The following SNX14 variants were observed in gnomAD, a reference collection of about 807,000 sequenced individuals.
The protein encoded by SNX14 is sorting nexin 14, also known as sorting nexin-14.
SNX14 carries 93 observed loss-of-function variants against 133.8 expected under a neutral mutation model. The observed-to-expected ratio is 0.70, with a 90% CI of 0.59 to 0.83. The LOEUF is 0.83. SNX14 is among the 40% of genes least tolerant of loss of function. The pLI, the probability that SNX14 is intolerant of heterozygous loss-of-function variation, is 0.00. For synonymous variants in SNX14, 368 were observed against 365.6 expected, an observed-to-expected ratio of 1.01 and a Z score of -0.07; for missense variants, 945 against 1,094.9, an observed-to-expected ratio of 0.86 and a Z score of 1.93.
chr6:85,516,632 CTT>C (rs746721196), intron 23 of SNX14, among the ~76,000 whole-genome samples: 8 of 126,440 alleles, frequency 6.3e-5, no homozygotes, highest in Admixed American at 1.6e-4. Context: ...CTTCCTTAAT[CTT>C]TTTTTTTTTT....
At chr6:85,519,112 A>T (rs911667374) in intron 21 of SNX14, among the ~76,000 whole-genome samples, 2 of 152,216 alleles carry the variant, frequency 1.3e-5, no homozygotes, top group African/African-American at 4.8e-5. Context: ...AATCAAACCT[A>T]GTCAGTAACC....
chr6:85,548,278 T>G (rs536717056), intron 9 of SNX14, 23 bp downstream of exon 9: 1 of 1,533,916 alleles, frequency 6.5e-7, no homozygotes, highest in Middle Eastern at 1.7e-4. Flanking sequence ...TGTAACAATT[T>G]AAAAAAAAAT....
chr6:85,549,833 A>G lies in SNX14; in HGVS notation c.681T>C (p.Gly227=). ...TTCTCAAAGCAACATGAAGCTCTGG[A>G]CCATATTCTTCTAAAGCAGCTTGCT... ...FLQQAALEEY[G]PELHVALRSR... Residue 227 remains glycine, a synonymous_variant, in exon 8 of 29, where the codon GGT becomes GGC. Coordinates refer to ENST00000314673, the MANE Select transcript of SNX14 (RefSeq NM_153816.6). 1 of 1,613,880 alleles carries G rather than the reference A, an allele frequency of 6.2e-7. No individual in the cohort carries two copies. Among genetic ancestry groups the G allele is most frequent in the Non-Finnish European group, 8.5e-7 (1 of 1,179,870 alleles).
At chr6:85,572,451 G>C in intron 2 of SNX14, 77 bp from the exon 3 acceptor site, 1 of 1,185,086 alleles carries the variant, frequency 8.4e-7, no homozygotes, top group African/African-American at 1.5e-5. Flanking sequence ...CAACTTTTCA[G>C]AAGTTTTTAA....
intron 1 of SNX14, among the ~76,000 whole-genome samples, chr6:85,586,602 A>G (rs1293488208): frequency 1.3e-5 from 2 of 152,076 alleles, no homozygotes; most frequent in East Asian, 3.9e-4. Flanking sequence ...TTTTATAGAG[A>G]CATGGTCTTG....
intron 1 of SNX14, among the ~76,000 whole-genome samples, chr6:85,591,691 G>C (rs566078864): frequency 2.6e-5 from 4 of 152,084 alleles, no homozygotes; most frequent in Non-Finnish European, 5.9e-5. Context: ...TCCCAAAAGA[G>C]GTAGGTAAGA....
intron 26 of SNX14, among the ~76,000 whole-genome samples, chr6:85,509,899 G>T (rs1319448217): frequency 6.6e-6 from 1 of 152,046 alleles, no homozygotes; most frequent in African/African-American, 2.4e-5. Flanking sequence ...TATACAGTAT[G>T]CAGTCTTTTC....
intron 4 of SNX14, among the ~76,000 whole-genome samples, chr6:85,569,286 A>G (rs1794871631): frequency 6.6e-6 from 1 of 152,036 alleles, no homozygotes; most frequent in South Asian, 2.1e-4. Flanking sequence ...TACCCCTTAT[A>G]CTGCAGCAAT....
At chr6:85,566,309 T>C (rs1436210607) in intron 5 of SNX14, among the ~76,000 whole-genome samples, 1 of 152,172 alleles carries the variant, frequency 6.6e-6, no homozygotes, top group East Asian at 1.9e-4. Flanking sequence ...AAATGTAAAT[T>C]TACATAGCTC....
chr6:85,593,430 C>A, intron 1 of SNX14, 149 bp downstream of exon 1: 1 of 1,253,306 alleles, frequency 8.0e-7, no homozygotes, highest in South Asian at 1.7e-5. Flanking sequence ...CTCCGCCGTG[C>A]TCCCCGAGGC....
Position 85,505,964 on chromosome 6 carries a change from T to A in SNX14, c.*3A>T, listed in dbSNP as rs770101156. On this transcript the variant is annotated 3_prime_UTR_variant, in exon 29 of 29. Coordinates refer to ENST00000314673, the MANE Select transcript of SNX14 (RefSeq NM_153816.6). ...TGGGTTATTCTATACCAAATCCAAG[T>A]GTTTACATCCAAGATGTCACAGAGG... The A allele has an allele frequency of 1.3e-6, 2 of 1,599,390 alleles. No homozygotes were observed. The highest frequency in any genetic ancestry group is 1.7e-6 in the Non-Finnish European group (2 of 1,167,080).
At chr6:85,541,824 C>A (rs1419617293) in intron 15 of SNX14, among the ~76,000 whole-genome samples, 161 bp downstream of exon 15, 1 of 152,140 alleles carries the variant, frequency 6.6e-6, no homozygotes, top group Non-Finnish European at 1.5e-5. Flanking sequence ...ATTTTCAGAT[C>A]ACCATATAGA....
chr6:85,507,461 T>C (rs750003639), intron 27 of SNX14, among the ~76,000 whole-genome samples, 172 bp from the exon 28 acceptor site: 2 of 152,232 alleles, frequency 1.3e-5, no homozygotes, highest in African/African-American at 4.8e-5. Context: ...AATAATGTTC[T>C]ATTCTCAAAA....
chr6:85,555,849 G>A (rs920996821), intron 7 of SNX14, among the ~76,000 whole-genome samples: 6 of 152,042 alleles, frequency 3.9e-5, no homozygotes, highest in African/African-American at 1.4e-4. Context: ...ATAGCCAAGC[G>A]TGGTGGTGCA....
intron 7 of SNX14, among the ~76,000 whole-genome samples, chr6:85,555,117 C>T (rs758770291): frequency 3.3e-5 from 5 of 152,096 alleles, no homozygotes; most frequent in African/African-American, 9.7e-5. Flanking sequence ...ATATATACAA[C>T]GTCACTCTCA....
chr6:85,567,529 C>A lies in SNX14; in HGVS notation c.461+5G>T. 6.7e-7 allele frequency: 1 copy of A among 1,503,060 alleles called. No individual in the cohort carries two copies. The allele number at this position is 1,503,060 out of a possible 1,614,324, so 93.1% of individuals were successfully genotyped here. A position where few individuals can be genotyped will look rare whatever the true frequency, so the allele number is the denominator to read the frequency against. On this transcript the variant is annotated splice_donor_5th_base_variant and intron_variant, in intron 5 of 28. Coordinates refer to ENST00000314673, the MANE Select transcript of SNX14 (RefSeq NM_153816.6). ...AGAAAAAAAGATCTTATAGAAAGAA[C>A]ATACCTGTACCACGGATAAACAAAG... is the stretch of plus-strand genomic sequence containing the variant.
intron 21 of SNX14, among the ~76,000 whole-genome samples, chr6:85,521,222 T>C (rs1004124969): frequency 6.6e-6 from 1 of 152,178 alleles, no homozygotes; most frequent in Non-Finnish European, 1.5e-5. Context: ...TGATTTCCTC[T>C]TTTGTGAAGT....
At chr6:85,523,256 A>G (rs1777465878) in intron 21 of SNX14, among the ~76,000 whole-genome samples, 1 of 152,228 alleles carries the variant, frequency 6.6e-6, no homozygotes, top group Admixed American at 6.5e-5. Context: ...AAAGGATTTT[A>G]GATATGGTCA....
chr6:85,543,642 A>C lies in SNX14; in HGVS notation c.1227T>G (p.Ile409Met). The C allele has an allele frequency of 1.9e-6, 3 of 1,588,410 alleles. No individual in the cohort carries two copies. The highest frequency in any genetic ancestry group is 2.6e-6 in the Non-Finnish European group (3 of 1,165,710). The stretch of plus-strand genomic sequence containing the variant: ...CTTCTACAATGAAGGGATCAAATCT[A>C]ATTTTGTCAATACTTTCATCCAAAC... ...TYCLDESIDK[I>M]RFDPFIVEEI... Residue 409 changes from isoleucine (I) to methionine (M), a missense_variant, in exon 13 of 29, where the codon ATT becomes ATG. By Grantham distance (10) the Ile-to-Met change is conservative (BLOSUM62 1). Coordinates refer to ENST00000314673, the MANE Select transcript of SNX14 (RefSeq NM_153816.6).
Sources: gnomAD v4.1 joint callset for allele counts (sites outside exome capture counted in the v4.1 genomes callset) on GRCh38, gnomAD v4.1.1 for gene constraint, MANE v1.5 for transcripts, NCBI Gene and HGNC (gene_info 2026-07-23, HGNC 2026-07-21) for gene names.